STK33: variants seen among roughly 807,000 people sequenced by gnomAD.
STK33 encodes serine/threonine kinase 33.
A neutral mutation model predicts 58.0 loss-of-function variants in STK33; 52 were observed. The ratio of observed to expected loss-of-function variants is 0.90; its 90% CI spans 0.72 to 1.13. STK33 has a LOEUF of 1.13. Among genes scored for constraint, STK33 ranks in the 50% most tolerant of loss-of-function variants. The probability of loss-of-function intolerance (pLI) is 0.00; values close to 1 mark genes in which losing one functional copy is unlikely to be tolerated. For synonymous variants in STK33, 215 were observed against 200.1 expected, an observed-to-expected ratio of 1.07 and a Z score of -0.63; for missense variants, 630 against 604.2, an observed-to-expected ratio of 1.04 and a Z score of -0.45.
intron 1 of STK33, among the ~76,000 whole-genome samples, chr11:8,579,186 CAGTT>C (rs1242458002): frequency 2.0e-5 from 3 of 151,964 alleles, no homozygotes; most frequent in Non-Finnish European, 2.9e-5. Context: ...CCTGAAGAAT[CAGTT>C]AGAGTAGGGA....
intron 1 of STK33, among the ~76,000 whole-genome samples, chr11:8,592,639 G>T (rs942411638): frequency 1.3e-5 from 2 of 151,882 alleles, no homozygotes; most frequent in African/African-American, 2.4e-5. Flanking sequence ...TTGAGACAGG[G>T]TCTCACTCCA....
chr11:8,460,712 A>C (rs955985265), intron 8 of STK33, among the ~76,000 whole-genome samples: 5 of 152,166 alleles, frequency 3.3e-5, no homozygotes, highest in African/African-American at 4.8e-5. Context: ...GAAGAAAATG[A>C]TATCAAGGCA....
At chr11:8,377,113 C>T in the STK33 span, among the ~76,000 whole-genome samples, 5,183 of 152,274 alleles carry the variant, frequency 0.034, 124 homozygotes, top group Middle Eastern at 0.061. Context: ...GCACCTTGTA[C>T]AATCCTCCAT....
chr11:8,497,436 G>T (rs1480293665), intron 1 of STK33, among the ~76,000 whole-genome samples: 1 of 152,134 alleles, frequency 6.6e-6, no homozygotes, highest in Non-Finnish European at 1.5e-5. Flanking sequence ...AACCATGGAG[G>T]CCAGAAGGAA....
the STK33 span, among the ~76,000 whole-genome samples, chr11:8,357,184 T>C: frequency 6.6e-6 from 1 of 152,250 alleles, no homozygotes; most frequent in Non-Finnish European, 1.5e-5. Context: ...TCCCGTCCTC[T>C]GTTTAAAGAA....
chr11:8,525,682 C>T (rs1043235291), intron 1 of STK33, among the ~76,000 whole-genome samples: 3 of 151,736 alleles, frequency 2.0e-5, no homozygotes, highest in African/African-American at 7.3e-5. Flanking sequence ...CCCTGGGGTA[C>T]AAAAAGATTT....
rs542773666 is a variant in STK33, at chr11:8,472,514, C to G, written c.339+649G>C. On this transcript the variant is annotated intron_variant, in intron 6 of 15. Transcript: ENST00000687296. ...AGAGAGATGAAGAGTGGTCAGTCAGCTGAGCAATCAGAACATATACATTTA... is the reference window on the plus strand; with the variant it reads ...AGAGAGATGAAGAGTGGTCAGTCAGGTGAGCAATCAGAACATATACATTTA... Among the ~76,000 whole-genome samples, 4 of 152,214 alleles carry G rather than the reference C, an allele frequency of 2.6e-5. No individual in the cohort carries two copies. In the East Asian group the frequency reaches 7.7e-4, roughly 29 times the overall value.
At chr11:8,523,006 C>G (rs1322838834) in intron 1 of STK33, among the ~76,000 whole-genome samples, 1 of 152,220 alleles carries the variant, frequency 6.6e-6, no homozygotes, top group Non-Finnish European at 1.5e-5. Flanking sequence ...GTTGGCCGGG[C>G]TGGTCTCCAG....
intron 1 of STK33, among the ~76,000 whole-genome samples, chr11:8,537,796 C>T (rs1341315377): frequency 2.2e-5 from 3 of 134,226 alleles, no homozygotes; most frequent in Admixed American, 8.0e-5. Context: ...GGGAACAGAG[C>T]GAGACTCTGT....
intron 1 of STK33, among the ~76,000 whole-genome samples, chr11:8,487,284 C>T (rs932966518): frequency 2.0e-5 from 3 of 151,626 alleles, no homozygotes; most frequent in South Asian, 4.2e-4. Context: ...ATTAGCTAGG[C>T]GTGGTGACAC....
At chr11:8,476,983 T>C in intron 3 of STK33, among the ~76,000 whole-genome samples, 1 of 152,122 alleles carries the variant, frequency 6.6e-6, no homozygotes, top group East Asian at 1.9e-4. Context: ...ATAGAATAGA[T>C]AAGTCTGCCC....
intron 1 of STK33, among the ~76,000 whole-genome samples, chr11:8,580,486 GA>G (rs1010436487): frequency 7.2e-5 from 11 of 151,798 alleles, no homozygotes; most frequent in African/African-American, 2.4e-4. Flanking sequence ...AGAATGGAGG[GA>G]GGGGGAAGGG....
At chr11:8,412,534 G>T (rs1940430201) in intron 15 of STK33, among the ~76,000 whole-genome samples, 1 of 152,132 alleles carries the variant, frequency 6.6e-6, no homozygotes, top group African/African-American at 2.4e-5. Context: ...GAGGATTCTT[G>T]GCATGGAGGG....
At chr11:8,572,075 T>C (rs1957865573) in intron 1 of STK33, among the ~76,000 whole-genome samples, 1 of 150,486 alleles carries the variant, frequency 6.6e-6, no homozygotes, top group Non-Finnish European at 1.5e-5. Flanking sequence ...TAAAAATTAA[T>C]TTTAAAAAAA....
chr11:8,550,273 C>G (rs775732596), intron 1 of STK33, among the ~76,000 whole-genome samples: 1 of 151,982 alleles, frequency 6.6e-6, no homozygotes, highest in Non-Finnish European at 1.5e-5. Context: ...TCAGGGTGAT[C>G]TTTTGTAATT....
At chr11:8,353,038 G>A in the STK33 span, among the ~76,000 whole-genome samples, 3 of 152,232 alleles carry the variant, frequency 2.0e-5, no homozygotes, top group Non-Finnish European at 2.9e-5. Context: ...CCAGCGGCTT[G>A]AGGTCCTCAG....
At chr11:8,337,222 C>T in the STK33 span, among the ~76,000 whole-genome samples, 1 of 152,210 alleles carries the variant, frequency 6.6e-6, no homozygotes, top group Admixed American at 6.5e-5. Context: ...TCTAAATTAC[C>T]GTCCTCTTCA....
chr11:8,358,775 A>G, the STK33 span, among the ~76,000 whole-genome samples: 1 of 152,250 alleles, frequency 6.6e-6, no homozygotes, highest in South Asian at 2.1e-4. Flanking sequence ...CCATACTGAC[A>G]TAAATGAATA....
chr11:8,506,507 G>C (rs764879865), intron 1 of STK33, among the ~76,000 whole-genome samples: 3 of 152,128 alleles, frequency 2.0e-5, no homozygotes, highest in Non-Finnish European at 4.4e-5. Flanking sequence ...TTCCTTTCTG[G>C]AGGCTTTAGG....
Sources: gnomAD v4.1 joint callset for allele counts (sites outside exome capture counted in the v4.1 genomes callset) on GRCh38, gnomAD v4.1.1 for gene constraint, MANE v1.5 for transcripts, NCBI Gene and HGNC (gene_info 2026-07-23, HGNC 2026-07-21) for gene names.